The following KCNIP1 variants were observed in gnomAD, a reference collection of about 807,000 sequenced individuals.
KCNIP1 encodes the protein potassium voltage-gated channel interacting protein 1.
In KCNIP1, 18 loss-of-function variants were observed where a neutral mutation model predicts 33.0. The ratio of observed to expected loss-of-function variants is 0.55; its 90% CI spans 0.38 to 0.81. KCNIP1 has a LOEUF of 0.81. Among genes scored for constraint, KCNIP1 ranks in the 30% least tolerant of loss-of-function variants. The pLI is 0.00. For missense variants in KCNIP1, 238 were observed against 271.6 expected, an observed-to-expected ratio of 0.88 and a Z score of 0.87; for synonymous variants, 93 against 98.3, an observed-to-expected ratio of 0.95 and a Z score of 0.32.
chr5:170,442,385 C>A (rs1196549545), intron 1 of KCNIP1, among the ~76,000 whole-genome samples: 3 of 152,200 alleles, frequency 2.0e-5, no homozygotes, highest in African/African-American at 7.2e-5. Flanking sequence ...AATTATGTGA[C>A]TTTGTCCAAG....
At chr5:170,524,665 G>A (rs1326948516) in intron 1 of KCNIP1, among the ~76,000 whole-genome samples, 1 of 152,096 alleles carries the variant, frequency 6.6e-6, no homozygotes, top group East Asian at 1.9e-4. Flanking sequence ...AAATCCAAGT[G>A]TGGGTGGTGG....
intron 1 of KCNIP1, among the ~76,000 whole-genome samples, chr5:170,601,876 G>A (rs936141768): frequency 1.3e-5 from 2 of 152,210 alleles, no homozygotes; most frequent in African/African-American, 4.8e-5. Context: ...CCTGTCTGGA[G>A]TCTTACCTGG....
At chr5:170,710,114 G>T (rs543857712) in intron 1 of KCNIP1, among the ~76,000 whole-genome samples, 2 of 152,098 alleles carry the variant, frequency 1.3e-5, no homozygotes, top group Non-Finnish European at 2.9e-5. Flanking sequence ...GTGATCCCCC[G>T]CCTAGGCCTC....
chr5:170,542,649 G>A (rs1218312717), intron 1 of KCNIP1, among the ~76,000 whole-genome samples: 2 of 152,036 alleles, frequency 1.3e-5, no homozygotes, highest in East Asian at 3.9e-4. Context: ...AACCCTATAT[G>A]TACTATGTTT....
At chr5:170,394,693 A>G (rs866221849) in intron 1 of KCNIP1, among the ~76,000 whole-genome samples, 2 of 152,174 alleles carry the variant, frequency 1.3e-5, no homozygotes, top group Non-Finnish European at 2.9e-5. Context: ...TATTGATCCC[A>G]TCACTGATAG....
intron 1 of KCNIP1, among the ~76,000 whole-genome samples, chr5:170,667,355 T>C (rs1477324828): frequency 6.6e-6 from 1 of 151,664 alleles, no homozygotes; most frequent in African/African-American, 2.4e-5. Flanking sequence ...ATAACCATAA[T>C]TACTATTAGC....
intron 1 of KCNIP1, among the ~76,000 whole-genome samples, chr5:170,458,932 T>C (rs1351508294): frequency 6.6e-6 from 1 of 152,122 alleles, no homozygotes; most frequent in Non-Finnish European, 1.5e-5. Context: ...TGGCTAAGAA[T>C]TCACCAACCA....
At chr5:170,527,819 A>G (rs1045625607) in intron 1 of KCNIP1, among the ~76,000 whole-genome samples, 5 of 151,636 alleles carry the variant, frequency 3.3e-5, no homozygotes, top group Middle Eastern at 6.8e-3. Context: ...TTTCAGTTAC[A>G]GCAAAAGTAT....
chr5:170,499,603 GCTA>G (rs1217542090), upstream of KCNIP1, among the ~76,000 whole-genome samples: 1 of 152,194 alleles, frequency 6.6e-6, no homozygotes, highest in Non-Finnish European at 1.5e-5. Context: ...CTGACTCTAT[GCTA>G]CCTCTGTGCC....
intron 1 of KCNIP1, among the ~76,000 whole-genome samples, chr5:170,629,909 C>T (rs1273156726): frequency 6.6e-6 from 1 of 152,268 alleles, no homozygotes; most frequent in Non-Finnish European, 1.5e-5. Flanking sequence ...TCCAGCCCAT[C>T]CTAAGGCAGG....
rs529613831 is a variant in KCNIP1 at position 170,679,327 on chromosome 5, G to A, written c.62-39431G>A. On this transcript the variant is annotated intron_variant, in intron 1 of 7. Coordinates refer to ENST00000328939, the MANE Select transcript of KCNIP1 (RefSeq NM_014592.4). ...GACCCCAGGACATCACTGCCTACACGCCAATGAGAATGGAGATTGACACAA... is the reference window on the plus strand; with the variant it reads ...GACCCCAGGACATCACTGCCTACACACCAATGAGAATGGAGATTGACACAA... 266 of 152,300 alleles carry A rather than the reference G, an allele frequency of 1.7e-3. 1 individual carries two copies. The highest frequency in any genetic ancestry group is 6.1e-3 in the African/African-American group (255 of 41,566). 9.4% of individuals were successfully genotyped at this position (152,300 alleles called of 1,614,324 possible).
chr5:170,516,808 A>G (rs138792219), intron 1 of KCNIP1, among the ~76,000 whole-genome samples: 1 of 152,246 alleles, frequency 6.6e-6, no homozygotes, highest in Non-Finnish European at 1.5e-5. Flanking sequence ...AACAATAACA[A>G]TCATGGTATC....
At chr5:170,687,804 G>A (rs1341011384) in intron 1 of KCNIP1, among the ~76,000 whole-genome samples, 1 of 152,176 alleles carries the variant, frequency 6.6e-6, no homozygotes, top group African/African-American at 2.4e-5. Context: ...TGCAAAATGG[G>A]TAAATTGTGA....
At chr5:170,400,855 C>T (rs1754885400) in intron 1 of KCNIP1, among the ~76,000 whole-genome samples, 1 of 152,234 alleles carries the variant, frequency 6.6e-6, no homozygotes, top group African/African-American at 2.4e-5. Flanking sequence ...CCATTCGATA[C>T]AATAGCCACT....
intron 1 of KCNIP1, among the ~76,000 whole-genome samples, chr5:170,588,443 T>C (rs141365544): frequency 0.019 from 2,867 of 152,306 alleles, 38 homozygotes; most frequent in Admixed American, 0.03. Context: ...GGATTATATG[T>C]ATAATTTGTA....
At chr5:170,730,834 G>A (rs1312557704) in intron 5 of KCNIP1, among the ~76,000 whole-genome samples, 6 of 139,346 alleles carry the variant, frequency 4.3e-5, no homozygotes, top group African/African-American at 1.6e-4. Context: ...AGGTATAAAA[G>A]TGCTTAAAAA....
intron 1 of KCNIP1, among the ~76,000 whole-genome samples, chr5:170,521,893 G>A (rs539682414): frequency 1.3e-5 from 2 of 152,292 alleles, no homozygotes; most frequent in African/African-American, 2.4e-5. Context: ...CTTCTTCCAT[G>A]TAGTCACTCA....
At chr5:170,706,685 T>C (rs1432756540) in intron 1 of KCNIP1, among the ~76,000 whole-genome samples, 4 of 152,196 alleles carry the variant, frequency 2.6e-5, no homozygotes, top group Non-Finnish European at 5.9e-5. Context: ...CTTGAGATAA[T>C]ACTATTCTTG....
At chr5:170,641,093 C>G (rs1204297569) in intron 1 of KCNIP1, among the ~76,000 whole-genome samples, 2 of 152,104 alleles carry the variant, frequency 1.3e-5, no homozygotes, top group Non-Finnish European at 2.9e-5. Context: ...GAGGCGGTCC[C>G]CACCTCTCAA....
Sources: gnomAD v4.1 joint callset for allele counts (sites outside exome capture counted in the v4.1 genomes callset) on GRCh38, gnomAD v4.1.1 for gene constraint, MANE v1.5 for transcripts, NCBI Gene and HGNC (gene_info 2026-07-23, HGNC 2026-07-21) for gene names.